The following DDX50 variants were observed in gnomAD, a reference collection of about 807,000 sequenced individuals.
The protein encoded by DDX50 is ATP-dependent RNA helicase DDX50.
A neutral mutation model predicts 94.8 loss-of-function variants in DDX50; 56 were observed. The ratio of observed to expected loss-of-function variants is 0.59; its 90% CI spans 0.48 to 0.74. The LOEUF is 0.74. Among genes scored for constraint, DDX50 ranks in the 30% least tolerant of loss-of-function variants. DDX50 has a pLI of 0.00. For missense variants in DDX50, 713 were observed against 881.2 expected (o/e 0.81, Z 2.42); for synonymous variants, 264 against 295.4 (o/e 0.89, Z 1.09).
chr10:68,932,548 C>T (rs1282761675), intron 8 of DDX50, among the ~76,000 whole-genome samples: 1 of 152,176 alleles, frequency 6.6e-6, no homozygotes, highest in African/African-American at 2.4e-5. Flanking sequence ...GCATGAGCCA[C>T]TGAGCCTGGC....
Position 68,928,486 on chromosome 10 carries a change from C to T in DDX50, c.1240-5713C>T, listed in dbSNP as rs118154806. 7.1e-3 allele frequency among the ~76,000 whole-genome samples: 1,079 copies of T among 152,232 alleles called. 7 individuals carry two copies. Among genetic ancestry groups the T allele is most frequent in the Non-Finnish European group, 0.011 (735 of 68,006 alleles). On this transcript the variant is annotated intron_variant, in intron 8 of 14. Transcript: ENST00000373585. ...AGGAGTTTAAAACCAGCCTGGGCAA[C>T]ATAGTGAGACTTCATCTCTATATTA... is the stretch of plus-strand genomic sequence containing the variant.
chr10:68,920,122 G>A (rs947151949), intron 8 of DDX50, 141 bp downstream of exon 8: 17 of 968,702 alleles, frequency 1.8e-5, no homozygotes, highest in Non-Finnish European at 2.3e-5. Flanking sequence ...GCCCACACCT[G>A]TAATCCTGTG....
chr10:68,919,581 A>C (rs1489063736), intron 7 of DDX50, among the ~76,000 whole-genome samples: 3 of 152,078 alleles, frequency 2.0e-5, no homozygotes, highest in Admixed American at 1.3e-4. Context: ...ATATTGTTCC[A>C]TGTATATCAG....
chr10:68,941,344 G>A, intron 13 of DDX50, 150 bp downstream of exon 13: 1 of 1,071,566 alleles, frequency 9.3e-7, no homozygotes, highest in Non-Finnish European at 1.3e-6. Context: ...ATAAATTTGG[G>A]GCATTATATA....
intron 13 of DDX50, 152 bp downstream of exon 13, chr10:68,941,346 C>T: frequency 1.1e-5 from 11 of 1,039,948 alleles, no homozygotes; most frequent in Non-Finnish European, 1.5e-5. Context: ...AAATTTGGGG[C>T]ATTATATATG....
chr10:68,924,805 C>G (rs1366028878), intron 8 of DDX50, among the ~76,000 whole-genome samples: 3 of 151,972 alleles, frequency 2.0e-5, no homozygotes, highest in Non-Finnish European at 2.9e-5. Flanking sequence ...CAGTATGGGG[C>G]TTTGTCCTGG....
At chr10:68,945,180 T>G (rs1245283391) in intron 14 of DDX50, among the ~76,000 whole-genome samples, 1 of 152,230 alleles carries the variant, frequency 6.6e-6, no homozygotes, top group Non-Finnish European at 1.5e-5. Context: ...GCCAAAAGGT[T>G]TGTGCCTTTT....
intron 1 of DDX50, among the ~76,000 whole-genome samples, chr10:68,902,190 CA>C (rs35302047): frequency 0.13 from 11,943 of 94,172 alleles, 810 homozygotes; most frequent in African/African-American, 0.3. Context: ...CCCTGCCCTC[CA>C]AAAAAAAAAA....
intron 1 of DDX50, among the ~76,000 whole-genome samples, chr10:68,905,930 T>G (rs780834107): frequency 3.9e-5 from 6 of 151,964 alleles, no homozygotes; most frequent in Non-Finnish European, 7.4e-5. Context: ...AATAAATAAT[T>G]AAATAAAATG....
chr10:68,940,866 A>G (rs1028537914), intron 12 of DDX50, among the ~76,000 whole-genome samples, 194 bp from the exon 13 acceptor site: 2 of 152,232 alleles, frequency 1.3e-5, no homozygotes, highest in Non-Finnish European at 2.9e-5. Flanking sequence ...ACAGCAATAC[A>G]TAGGATAGTA....
intron 7 of DDX50, among the ~76,000 whole-genome samples, chr10:68,914,790 G>A (rs1367713224): frequency 6.6e-6 from 1 of 152,202 alleles, no homozygotes; most frequent in Non-Finnish European, 1.5e-5. Context: ...GGGAGGCCAA[G>A]GCGGGCAGAT....
At chr10:68,935,107 C>T (rs1842373441) in intron 10 of DDX50, among the ~76,000 whole-genome samples, 189 bp downstream of exon 10, 1 of 152,210 alleles carries the variant, frequency 6.6e-6, no homozygotes, top group Non-Finnish European at 1.5e-5. Context: ...ATTGTGAAGA[C>T]AGTGGAGCTG....
At chr10:68,907,565 T>C (rs1841497105) in intron 2 of DDX50, among the ~76,000 whole-genome samples, 1 of 151,962 alleles carries the variant, frequency 6.6e-6, no homozygotes, top group Admixed American at 6.6e-5. Flanking sequence ...GATCCACCTG[T>C]CTCGGCTTCC....
chr10:68,924,749 A>C (rs1002470980), intron 8 of DDX50, among the ~76,000 whole-genome samples: 1 of 148,142 alleles, frequency 6.8e-6, no homozygotes. Flanking sequence ...TGATCCTGTT[A>C]TTCTTGGCAT....
intron 6 of DDX50, 42 bp from the exon 7 acceptor site, chr10:68,914,017 G>T: frequency 6.6e-7 from 1 of 1,525,140 alleles, no homozygotes; most frequent in Non-Finnish European, 8.8e-7. Flanking sequence ...GCTACATCGT[G>T]GGAAATTAAG....
At chr10:68,907,037 ATTG>A (rs775678072) in intron 2 of DDX50, 30 bp downstream of exon 2, 19 of 1,555,278 alleles carry the variant, frequency 1.2e-5, no homozygotes, top group Non-Finnish European at 1.6e-5. Context: ...TGCATTTGAC[ATTG>A]TTGTTGAACT....
chr10:68,932,095 G>A (rs776358138), intron 8 of DDX50, among the ~76,000 whole-genome samples: 11 of 152,170 alleles, frequency 7.2e-5, no homozygotes, highest in South Asian at 2.1e-4. Context: ...ACATCATACT[G>A]TATTGAAGAT....
At chr10:68,937,161 T>A in intron 12 of DDX50, 66 bp downstream of exon 12, 1 of 1,429,242 alleles carries the variant, frequency 7.0e-7, no homozygotes, top group East Asian at 2.5e-5. Context: ...GGAAATATTG[T>A]AGTGAATTAT....
At position 68,913,394 on chromosome 10, in the gene DDX50, A is replaced by T. The variant is rs753684179; in HGVS notation, c.761A>T (p.Asn254Ile). ...YGGTSYQSQI[N>I]HIRNGIDILV... ...TGGCATTTCTCTCTTCTCACAGTTA[A>T]TCATATTCGAAATGGTATTGACATC... The change falls in exon 6 of 15, where the codon AAT (asparagine) becomes ATT (isoleucine). Residue 254 changes from asparagine (N) to isoleucine (I), a missense_variant. Coordinates refer to ENST00000373585, the MANE Select transcript of DDX50 (RefSeq NM_024045.2). 1.2e-6 allele frequency: 2 copies of T among 1,611,132 alleles called. No individual in the cohort carries two copies. The highest frequency in any genetic ancestry group is 2.7e-5 in the African/African-American group (2 of 74,956).
Sources: gnomAD v4.1 joint callset for allele counts (sites outside exome capture counted in the v4.1 genomes callset) on GRCh38, gnomAD v4.1.1 for gene constraint, MANE v1.5 for transcripts, NCBI Gene and HGNC (gene_info 2026-07-23, HGNC 2026-07-21) for gene names.